The following IQCM variants were observed in gnomAD, a reference collection of about 807,000 sequenced individuals.
The protein encoded by IQCM is IQ domain-containing protein M.
A neutral mutation model predicts 57.6 loss-of-function variants in IQCM; 45 were observed. The ratio of observed to expected loss-of-function variants is 0.78; its 90% CI spans 0.62 to 1.00. The LOEUF (loss-of-function observed/expected upper bound fraction) is 1.00. IQCM is among the 50% of genes least tolerant of loss of function. The pLI is 0.00. For synonymous variants in IQCM, 148 were observed against 158.9 expected (o/e 0.93, Z 0.51); for missense variants, 468 against 511.6 (o/e 0.91, Z 0.82).
chr4:149,436,083 A>G (rs1044172396), intron 12 of IQCM, among the ~76,000 whole-genome samples: 2 of 152,076 alleles, frequency 1.3e-5, no homozygotes, highest in African/African-American at 2.4e-5. Flanking sequence ...AGGCCTTCAC[A>G]TTCACTCACC....
At chr4:149,771,106 T>A (rs1770532287) in intron 2 of IQCM, among the ~76,000 whole-genome samples, 1 of 152,094 alleles carries the variant, frequency 6.6e-6, no homozygotes, top group Admixed American at 6.5e-5. Context: ...ACAGCAAGAA[T>A]GTTTATTAGC....
chr4:149,486,846 G>A lies in IQCM; in HGVS notation c.1229-53289C>T, dbSNP rs565809101. 2.0e-5 allele frequency among the ~76,000 whole-genome samples: 3 copies of A among 152,176 alleles called. No homozygotes were observed. In the East Asian group the frequency reaches 5.8e-4, roughly 30 times the overall value. ...CTTCAGGGCAGTGGGCTCCCCTTTG[G>A]CCAAGGGAAGATTCAGAAATGCTGT... On this transcript the variant is annotated intron_variant, in intron 12 of 13. Transcript: ENST00000636793.
intron 13 of IQCM, among the ~76,000 whole-genome samples, chr4:149,427,368 G>C (rs1214435913): frequency 6.6e-6 from 1 of 151,940 alleles, no homozygotes; most frequent in African/African-American, 2.4e-5. Context: ...AAGCAGTATT[G>C]AGTGGTGGAT....
intron 2 of IQCM, among the ~76,000 whole-genome samples, chr4:149,774,004 A>G (rs1163630772): frequency 1.3e-5 from 2 of 152,156 alleles, no homozygotes; most frequent in African/African-American, 2.4e-5. Flanking sequence ...CTAATTTTAT[A>G]TACCTTATAT....
intron 10 of IQCM, among the ~76,000 whole-genome samples, chr4:149,556,300 CTT>C (rs893818316): frequency 7.0e-6 from 1 of 143,130 alleles, no homozygotes. Context: ...ATGGTCATGT[CTT>C]TTTTTTTTTT....
At chr4:149,551,224 G>A (rs1748995821) in intron 11 of IQCM, among the ~76,000 whole-genome samples, 1 of 152,096 alleles carries the variant, frequency 6.6e-6, no homozygotes, top group African/African-American at 2.4e-5. Context: ...AGGCCTTTGT[G>A]CTTGCTGCTC....
At chr4:149,574,102 C>T (rs1229746184) in intron 9 of IQCM, among the ~76,000 whole-genome samples, 1 of 151,838 alleles carries the variant, frequency 6.6e-6, no homozygotes, top group African/African-American at 2.4e-5. Flanking sequence ...ACTTTATGTT[C>T]ATTCTTTATA....
At chr4:149,441,712 T>A (rs551361521) in intron 12 of IQCM, among the ~76,000 whole-genome samples, 1 of 152,174 alleles carries the variant, frequency 6.6e-6, no homozygotes, top group Non-Finnish European at 1.5e-5. Context: ...ATGTGTATTA[T>A]GGGAATTCAC....
chr4:149,660,144 AAAC>A (rs1482790227), intron 7 of IQCM, among the ~76,000 whole-genome samples: 1 of 151,066 alleles, frequency 6.6e-6, no homozygotes, highest in Non-Finnish European at 1.5e-5. Flanking sequence ...AGAAAAAAAC[AAAC>A]AACCCCATCA....
chr4:149,432,281 T>C (rs1378991502), intron 13 of IQCM, among the ~76,000 whole-genome samples: 1 of 152,032 alleles, frequency 6.6e-6, no homozygotes, highest in Non-Finnish European at 1.5e-5. Flanking sequence ...CACTGTAGTT[T>C]AAATTTGCAT....
At chr4:149,686,613 A>G (rs940074736) in intron 5 of IQCM, 145 bp from the exon 6 acceptor site, 2 of 391,462 alleles carry the variant, frequency 5.1e-6, no homozygotes, top group Non-Finnish European at 4.5e-6. Context: ...ACTAAAAATC[A>G]CAGCTGAGTA....
chr4:149,744,193 A>G (rs1158358975), intron 2 of IQCM, among the ~76,000 whole-genome samples: 1 of 152,188 alleles, frequency 6.6e-6, no homozygotes, highest in Non-Finnish European at 1.5e-5. Flanking sequence ...TGGAACATCC[A>G]AAAATGATTA....
At chr4:149,654,015 AC>A (rs1432868460) in intron 7 of IQCM, among the ~76,000 whole-genome samples, 1 of 152,220 alleles carries the variant, frequency 6.6e-6, no homozygotes, top group African/African-American at 2.4e-5. Context: ...ATGGAAGGAA[AC>A]AAAGGAGGTG....
chr4:149,739,483 T>A (rs917361563), intron 3 of IQCM, among the ~76,000 whole-genome samples: 2 of 144,416 alleles, frequency 1.4e-5, no homozygotes, highest in African/African-American at 2.5e-5. Flanking sequence ...TTTTTTTTTT[T>A]AGTCAACCCT....
chr4:149,360,148 A>G (rs969870539), intron 13 of IQCM, among the ~76,000 whole-genome samples: 21 of 152,316 alleles, frequency 1.4e-4, no homozygotes, highest in African/African-American at 4.1e-4. Flanking sequence ...ATACAGTTCT[A>G]GATGGCAATT....
chr4:149,700,269 G>C (rs1763667939), intron 5 of IQCM, among the ~76,000 whole-genome samples: 2 of 152,020 alleles, frequency 1.3e-5, no homozygotes, highest in South Asian at 2.1e-4. Flanking sequence ...TTTGTTAAGA[G>C]CTGACTTCCA....
chr4:149,676,737 G>A (rs970476292), intron 7 of IQCM, among the ~76,000 whole-genome samples: 4 of 151,978 alleles, frequency 2.6e-5, no homozygotes, highest in East Asian at 1.9e-4. Context: ...TTAAGCAAAC[G>A]GATAGAAATC....
intron 13 of IQCM, among the ~76,000 whole-genome samples, chr4:149,427,853 T>A (rs1285930547): frequency 2.6e-5 from 4 of 151,812 alleles, no homozygotes; most frequent in African/African-American, 2.4e-5. Flanking sequence ...CAGTGTATAG[T>A]GGATAAAATA....
chr4:149,432,671 GA>G (rs1734984419), intron 13 of IQCM, among the ~76,000 whole-genome samples: 1 of 151,810 alleles, frequency 6.6e-6, no homozygotes, highest in Non-Finnish European at 1.5e-5. Flanking sequence ...CTCTTCAAAA[GA>G]TACTATTAAA....
Sources: allele counts gnomAD v4.1 joint callset (sites outside exome capture counted in the v4.1 genomes callset), GRCh38; gene constraint gnomAD v4.1.1; transcripts MANE v1.5; gene names NCBI Gene and HGNC (gene_info 2026-07-23, HGNC 2026-07-21).